The following DYNC2H1 variants were observed in gnomAD, a reference collection of about 807,000 sequenced individuals.
DYNC2H1 encodes the protein cytoplasmic dynein 2 heavy chain 1.
A neutral mutation model predicts 570.0 loss-of-function variants in DYNC2H1; 410 were observed. The observed-to-expected ratio is 0.72, with a 90% CI of 0.66 to 0.78. The LOEUF (loss-of-function observed/expected upper bound fraction) is 0.78. Among genes scored for constraint, DYNC2H1 ranks in the 30% least tolerant of loss-of-function variants. The pLI is 0.00. For missense variants in DYNC2H1, 4,865 were observed against 5,046.4 expected, an observed-to-expected ratio of 0.96 and a Z score of 1.09; for synonymous variants, 1,688 against 1,677.6, an observed-to-expected ratio of 1.01 and a Z score of -0.15.
At chr11:103,469,873 AG>A (rs1312423623) in intron 88 of DYNC2H1, among the ~76,000 whole-genome samples, 1 of 152,200 alleles carries the variant, frequency 6.6e-6, no homozygotes, top group Non-Finnish European at 1.5e-5. Context: ...TATATACAAA[AG>A]TTAAGGTTGG....
rs1864887049 is a variant in DYNC2H1 at position 103,252,823 on chromosome 11, A to G, written c.10043-462A>G. 6.6e-6 allele frequency among the ~76,000 whole-genome samples: 1 copy of G among 152,022 alleles called. No homozygotes were observed. Among genetic ancestry groups the G allele is most frequent in the Admixed American group, 6.6e-5 (1 of 15,244 alleles). On this transcript the variant is annotated intron_variant, in intron 65 of 88. Coordinates refer to ENST00000375735, the MANE Select transcript of DYNC2H1 (RefSeq NM_001377.3). This position sits in a 1 kb window ranked among gnomAD's most constrained non-coding sequence, Gnocchi z 4.6. ...TTCTTTCATTTTGTTGATAATGTGTATTTTTCAGTTACTCATGTGATAATC... is the reference window on the plus strand; with the variant it reads ...TTCTTTCATTTTGTTGATAATGTGTGTTTTTCAGTTACTCATGTGATAATC...
At chr11:103,164,850 A>T (rs1022733553) in intron 30 of DYNC2H1, among the ~76,000 whole-genome samples, 6 of 152,202 alleles carry the variant, frequency 3.9e-5, no homozygotes, top group Non-Finnish European at 8.8e-5. Flanking sequence ...AGACTGTAAA[A>T]AATTAAGTTT....
intron 9 of DYNC2H1, among the ~76,000 whole-genome samples, 163 bp downstream of exon 9, chr11:103,121,199 A>T (rs1245783355): frequency 6.6e-6 from 1 of 152,158 alleles, no homozygotes; most frequent in Non-Finnish European, 1.5e-5. Context: ...TTTTTGCATT[A>T]ACAAGTTATT....
chr11:103,423,253 C>T (rs1310904598), intron 84 of DYNC2H1, among the ~76,000 whole-genome samples: 1 of 76,550 alleles, frequency 1.3e-5, no homozygotes, highest in African/African-American at 4.4e-5. Context: ...TGGAAGGAAT[C>T]AGTGGAGATC....
chr11:103,302,609 G>T (rs775331512), intron 75 of DYNC2H1, among the ~76,000 whole-genome samples: 1 of 152,020 alleles, frequency 6.6e-6, no homozygotes, highest in African/African-American at 2.4e-5. Context: ...CCTATATCAT[G>T]CCAGTGAAAT....
At position 103,163,721 on chromosome 11, in the gene DYNC2H1, C is replaced by T. The variant is rs1288865884; in HGVS notation, c.4611+574C>T. Among the ~76,000 whole-genome samples, 4 of 152,000 alleles carry T rather than the reference C, an allele frequency of 2.6e-5. No individual in the cohort carries two copies. Among genetic ancestry groups the T allele is most frequent in the Non-Finnish European group, 5.9e-5 (4 of 68,014 alleles). On this transcript the variant is annotated intron_variant, in intron 30 of 88. Coordinates refer to ENST00000375735, the MANE Select transcript of DYNC2H1 (RefSeq NM_001377.3). The surrounding 1 kb of genome is among the most constrained non-coding windows in gnomAD (Gnocchi z 4.6). ...ACTAAGACTTGTGTTAAACATCCTG[C>T]GTTGTTTAATAGTTGGGCCAGACTG...
chr11:103,420,559 T>C (rs548284), intron 84 of DYNC2H1, among the ~76,000 whole-genome samples: 84,456 of 151,960 alleles, frequency 0.56, 24,112 homozygotes, highest in East Asian at 0.72. Context: ...CCATAAGAGA[T>C]TGGGGGCCAA....
Position 103,186,101 on chromosome 11 carries a change from T to G in DYNC2H1, c.6634-141T>G. The G allele has an allele frequency of 1.3e-6, 1 of 772,532 alleles. No homozygotes were observed. The highest frequency in any genetic ancestry group is 2.0e-6 in the Non-Finnish European group (1 of 499,046). The allele number at this position is 772,532 out of a possible 1,614,324, so 47.9% of individuals were successfully genotyped here. ...AAAATATTTGAGATAAAATGTTACA[T>G]TAATGATAAAATAGGTTTAGTTTAT... On this transcript the variant is annotated intron_variant, in intron 41 of 88. Coordinates refer to ENST00000375735, the MANE Select transcript of DYNC2H1 (RefSeq NM_001377.3). The surrounding 1 kb of genome is among the most constrained non-coding windows in gnomAD (Gnocchi z 4.5).
intron 87 of DYNC2H1, among the ~76,000 whole-genome samples, chr11:103,457,984 A>G (rs144544025): frequency 9.8e-4 from 149 of 152,366 alleles, no homozygotes; most frequent in African/African-American, 3.6e-3. Context: ...ACAGTAAGCT[A>G]AGGTTAATTA....
At chr11:103,114,297 G>T (rs1189939328) in intron 3 of DYNC2H1, 59 bp downstream of exon 3, 2 of 1,424,596 alleles carry the variant, frequency 1.4e-6, no homozygotes, top group Admixed American at 5.7e-5. Context: ...TAATACATTA[G>T]TAAATGAACA....
Position 103,461,240 on chromosome 11 carries a change from T to A in DYNC2H1, c.12648+4884T>A, listed in dbSNP as rs1565619910. ...TTATGTTTTTCAGCAGAGGGGATTG[T>A]TTCAATAGGAGAAATTTGGATTTGA... On this transcript the variant is annotated intron_variant, in intron 87 of 88. Transcript: ENST00000375735. This position sits in a 1 kb window ranked among gnomAD's most constrained non-coding sequence, Gnocchi z 4.8. Among the ~76,000 whole-genome samples the A allele has an allele frequency of 6.6e-6, 1 of 152,212 alleles. No homozygotes were observed. The highest frequency in any genetic ancestry group is 1.5e-5 in the Non-Finnish European group (1 of 68,044).
chr11:103,273,932 T>G (rs1865807044), intron 70 of DYNC2H1, among the ~76,000 whole-genome samples: 1 of 152,154 alleles, frequency 6.6e-6, no homozygotes, highest in African/African-American at 2.4e-5. Flanking sequence ...GCCTATTTTT[T>G]GACAACATTT....
intron 87 of DYNC2H1, among the ~76,000 whole-genome samples, chr11:103,459,983 A>AC (rs1944955950): frequency 1.3e-5 from 2 of 150,466 alleles, no homozygotes; most frequent in African/African-American, 4.9e-5. Context: ...AAAAAAAAAA[A>AC]GCTGAAGGAC....
At chr11:103,304,789 A>G in intron 77 of DYNC2H1, 69 bp downstream of exon 77, 47 of 1,399,956 alleles carry the variant, frequency 3.4e-5, no homozygotes, top group Non-Finnish European at 4.3e-5. Context: ...GGACATCAGT[A>G]TTAAAATGTC....
chr11:103,129,060 T>C lies in DYNC2H1; in HGVS notation c.1953+55T>C. 1 of 1,451,146 alleles carries C rather than the reference T, an allele frequency of 6.9e-7. No homozygotes were observed. Among genetic ancestry groups the C allele is most frequent in the South Asian group, 1.3e-5 (1 of 75,802 alleles). 89.9% of individuals were successfully genotyped at this position (1,451,146 alleles called of 1,614,324 possible). A position where few individuals can be genotyped will look rare whatever the true frequency, so the allele number is the denominator to read the frequency against. Reference sequence around the variant, plus strand: ...AGATTTTACATGTGAAGTGTTTAATTCTTAATTTTCCGGTGTTCCCTTCAG... The same window carrying C: ...AGATTTTACATGTGAAGTGTTTAATCCTTAATTTTCCGGTGTTCCCTTCAG... On this transcript the variant is annotated intron_variant, in intron 13 of 88. Transcript: ENST00000375735. This position sits in a 1 kb window ranked among gnomAD's most constrained non-coding sequence, Gnocchi z 4.1.
At chr11:103,195,219 T>C (rs958172171) in intron 47 of DYNC2H1, among the ~76,000 whole-genome samples, 1 of 152,250 alleles carries the variant, frequency 6.6e-6, no homozygotes, top group Non-Finnish European at 1.5e-5. Context: ...GATCTGTTGA[T>C]GTCAAGTTTA....
chr11:103,450,279 T>G (rs772046186), intron 85 of DYNC2H1, among the ~76,000 whole-genome samples: 11 of 152,144 alleles, frequency 7.2e-5, no homozygotes, highest in Non-Finnish European at 1.5e-4. Context: ...AACATACGCC[T>G]CTCAGTAACT....
chr11:103,300,254 T>C (rs924521858), intron 75 of DYNC2H1, among the ~76,000 whole-genome samples: 3 of 151,972 alleles, frequency 2.0e-5, no homozygotes, highest in Non-Finnish European at 4.4e-5. Context: ...TAAAAAACAA[T>C]AAAGGTTTCA....
Position 103,114,219 on chromosome 11 carries a change from T to A in DYNC2H1, c.483T>A (p.Phe161Leu). 1 of 1,594,532 alleles carries A rather than the reference T, an allele frequency of 6.3e-7. No individual in the cohort carries two copies. The highest frequency in any genetic ancestry group is 8.6e-7 in the Non-Finnish European group (1 of 1,169,482). Residue 161 changes from phenylalanine (F) to leucine (L), a missense_variant, in exon 3 of 89, where the codon TTT becomes TTA. Transcript: ENST00000375735. Reference protein sequence around the residue: ...RSDTNLTKLKFKEDDTRGILT... With the variant: ...RSDTNLTKLKLKEDDTRGILT... ...ACACTAACTTAACAAAATTGAAATTTAAGGAAGATGACACACGAGGTATAT... is the reference window on the plus strand; with the variant it reads ...ACACTAACTTAACAAAATTGAAATTAAAGGAAGATGACACACGAGGTATAT...
Sources: gnomAD v4.1 joint callset for allele counts (sites outside exome capture counted in the v4.1 genomes callset) on GRCh38, gnomAD v4.1.1 for gene constraint, Gnocchi (gnomAD v3.1) non-coding constraint, MANE v1.5 for transcripts, NCBI Gene and HGNC (gene_info 2026-07-23, HGNC 2026-07-21) for gene names.